The following RASSF4 variants were observed in gnomAD, a reference collection of about 807,000 sequenced individuals.
RASSF4 encodes Ras association domain family member 4, also known as ras association domain-containing protein 4.
In RASSF4, 38 loss-of-function variants were observed where a neutral mutation model predicts 41.1. The observed-to-expected ratio is 0.92, with a 90% CI of 0.71 to 1.21. The LOEUF is 1.21. RASSF4 is among the 50% of genes most tolerant of loss of function. The probability of loss-of-function intolerance (pLI) is 0.00; values close to 1 mark genes in which losing one functional copy is unlikely to be tolerated. For missense variants in RASSF4, 414 were observed against 419.4 expected, an observed-to-expected ratio of 0.99 and a Z score of 0.11; for synonymous variants, 179 against 163.4, an observed-to-expected ratio of 1.10 and a Z score of -0.73.
At chr10:44,966,943 C>G (rs942723037) in intron 1 of RASSF4, among the ~76,000 whole-genome samples, 1 of 152,150 alleles carries the variant, frequency 6.6e-6, no homozygotes. Flanking sequence ...TCCTGTCTCA[C>G]CACTAGGTGT....
chr10:44,971,261 A>AG, intron 2 of RASSF4: 1 of 351,962 alleles, frequency 2.8e-6, no homozygotes, highest in Non-Finnish European at 5.6e-6. Context: ...TGCAGACTTC[A>AG]GGGCCTTACT....
chr10:44,971,884 T>G, intron 3 of RASSF4, 36 bp downstream of exon 3: 1 of 1,480,774 alleles, frequency 6.8e-7, no homozygotes, highest in Non-Finnish European at 9.4e-7. Flanking sequence ...GGTCACCATG[T>G]ACCCTGGGAG....
At chr10:44,990,840 T>G (rs1289821590) in intron 8 of RASSF4, 108 bp from the exon 9 acceptor site, 1 of 1,179,220 alleles carries the variant, frequency 8.5e-7, no homozygotes, top group African/African-American at 1.5e-5. Flanking sequence ...TCTGTGTTCT[T>G]AGGGTTCCCT....
chr10:44,977,472 T>A, intron 3 of RASSF4: 1 of 1,612,456 alleles, frequency 6.2e-7, no homozygotes, highest in Non-Finnish European at 8.5e-7. Flanking sequence ...CGGGAGGCCA[T>A]GGCTTGGGCA....
chr10:44,984,300 G>A (rs1841834693), intron 5 of RASSF4, 187 bp downstream of exon 5: 1 of 610,386 alleles, frequency 1.6e-6, no homozygotes, highest in African/African-American at 1.9e-5. Context: ...TCCTTTTTAT[G>A]GAAAAGTGAG....
At chr10:44,965,199 G>A (rs903383907) in intron 1 of RASSF4, among the ~76,000 whole-genome samples, 3 of 152,244 alleles carry the variant, frequency 2.0e-5, no homozygotes, top group African/African-American at 7.2e-5. Flanking sequence ...ACCATTTTGA[G>A]GTTACAGAAA....
rs764820443 is a variant in RASSF4 at position 44,982,490 on chromosome 10, G to A, written c.139-31G>A. 12 of 1,606,076 alleles carry A rather than the reference G, an allele frequency of 7.5e-6. 1 individual carries two copies. The Admixed American group carries it at 2.1e-4, about 28-fold the overall frequency. ...CACAGGGAAGGTAGGCAGCTGCTCT[G>A]GGGGAAGGGCTGATGTGTGGACCCC... is the stretch of plus-strand genomic sequence containing the variant. On this transcript the variant is annotated intron_variant, in intron 3 of 10. Coordinates refer to ENST00000340258, the MANE Select transcript of RASSF4 (RefSeq NM_032023.4).
Position 44,972,177 on chromosome 10 carries a change from T to G in RASSF4, c.138+329T>G, listed in dbSNP as rs534531355. 5.3e-5 allele frequency among the ~76,000 whole-genome samples: 8 copies of G among 152,058 alleles called. No individual in the cohort carries two copies. The South Asian group carries it at 1.5e-3, about 28-fold the overall frequency. ...ACTGCTGCCGAGAACAGGTCCGTCC[T>G]CAGCCCATCACACCATTCAGCGGAC... On this transcript the variant is annotated intron_variant, in intron 3 of 10. Transcript: ENST00000340258.
chr10:44,990,779 G>A (rs773282527), intron 8 of RASSF4, 169 bp from the exon 9 acceptor site: 60 of 574,662 alleles, frequency 1.0e-4, no homozygotes, highest in Non-Finnish European at 1.4e-4. Flanking sequence ...GCCCTGTTCT[G>A]CCTCCCTTCT....
intron 3 of RASSF4, chr10:44,977,381 C>T (rs370394967): frequency 1.9e-6 from 3 of 1,555,836 alleles, no homozygotes; most frequent in Non-Finnish European, 2.6e-6. Context: ...GAAGCCTTTA[C>T]TGGGGAGGGG....
chr10:44,984,897 GC>G lies in RASSF4; in HGVS notation c.460del (p.Arg154AlafsTer35). The G allele has an allele frequency of 6.2e-7, 1 of 1,613,580 alleles. No homozygotes were observed. The highest frequency in any genetic ancestry group is 1.6e-4 in the Middle Eastern group (1 of 6,062). ...ASCMSQRRPK[C>X]RAPGEAQRIR... ...TGCATGAGCCAGAGGAGGCCCAAGT[GC>G]CGCGCCCCCGGTGAGGCCCAGCGCA... On this transcript the variant is annotated frameshift_variant, in exon 6 of 11. Transcript: ENST00000340258. LOFTEE classifies it high-confidence loss of function.
At chr10:44,960,264 C>G (rs1265532174) in intron 1 of RASSF4, among the ~76,000 whole-genome samples, 5 of 152,236 alleles carry the variant, frequency 3.3e-5, no homozygotes, top group Admixed American at 6.5e-5. Flanking sequence ...CAGGGGGGGT[C>G]TGTCTCACAA....
At chr10:44,979,697 C>G (rs1841620777) in intron 3 of RASSF4, among the ~76,000 whole-genome samples, 1 of 151,848 alleles carries the variant, frequency 6.6e-6, no homozygotes, top group Non-Finnish European at 1.5e-5. Context: ...CAGACATGCT[C>G]AGGGCACAGC....
At chr10:44,985,565 A>C (rs1841893248) in intron 6 of RASSF4, among the ~76,000 whole-genome samples, 1 of 152,236 alleles carries the variant, frequency 6.6e-6, no homozygotes, top group Admixed American at 6.5e-5. Flanking sequence ...GCGTCTTGTG[A>C]CAGGCCATAT....
intron 6 of RASSF4, among the ~76,000 whole-genome samples, chr10:44,986,714 G>C (rs17157322): frequency 0.074 from 11,342 of 152,270 alleles, 592 homozygotes; most frequent in African/African-American, 0.15. Flanking sequence ...GAAATGAGGG[G>C]ACAGATTCCT....
chr10:44,960,600 T>G (rs1840673673), intron 1 of RASSF4, among the ~76,000 whole-genome samples: 1 of 152,208 alleles, frequency 6.6e-6, no homozygotes. Context: ...GCCTCAGTGT[T>G]TTCATTAACC....
rs919826989 is a variant in RASSF4 at position 44,993,118 on chromosome 10, G to A, written c.906-151G>A. 1.3e-4 allele frequency: 82 copies of A among 643,586 alleles called. No individual in the cohort carries two copies. The Middle Eastern group carries it at 2.9e-3, about 23-fold the overall frequency. 39.9% of individuals were successfully genotyped at this position (643,586 alleles called of 1,614,324 possible). A position where few individuals can be genotyped will look rare whatever the true frequency, so the allele number is the denominator to read the frequency against. On this transcript the variant is annotated intron_variant, in intron 10 of 10. Coordinates refer to ENST00000340258, the MANE Select transcript of RASSF4 (RefSeq NM_032023.4). Reference sequence around the variant, plus strand: ...CTGGTTTGACTGCACCTCATGAGGCGCAGGCCACAGCCTTCCCCCTCCTTG... The same window carrying A: ...CTGGTTTGACTGCACCTCATGAGGCACAGGCCACAGCCTTCCCCCTCCTTG...
chr10:44,977,440 A>G (rs1236505666), intron 3 of RASSF4: 1 of 1,610,070 alleles, frequency 6.2e-7, no homozygotes, highest in Non-Finnish European at 8.5e-7. Flanking sequence ...TTCTGAGGAC[A>G]CTGCTGGGGC....
chr10:44,989,317 G>A lies in RASSF4; in HGVS notation c.575G>A (p.Arg192Lys). The A allele has an allele frequency of 1.2e-6, 2 of 1,614,036 alleles. No individual in the cohort carries two copies. Among genetic ancestry groups the A allele is most frequent in the Non-Finnish European group, 1.7e-6 (2 of 1,179,892 alleles). The change falls in exon 7 of 11, where the codon AGG (arginine) becomes AAG (lysine). Residue 192 changes from arginine (R) to lysine (K), a missense_variant. Transcript: ENST00000340258. Reference protein sequence around the residue: ...TPAYGSVTNVRVNSTMTTLQV... With the variant: ...TPAYGSVTNVKVNSTMTTLQV... Reference sequence around the variant, plus strand: ...GCCTATGGATCCGTGACCAATGTGAGGGTCAACAGCACCATGACAACCCTG... The same window carrying A: ...GCCTATGGATCCGTGACCAATGTGAAGGTCAACAGCACCATGACAACCCTG...
Sources: gnomAD v4.1 joint callset for allele counts (sites outside exome capture counted in the v4.1 genomes callset) on GRCh38, gnomAD v4.1.1 for gene constraint, MANE v1.5 for transcripts, NCBI Gene and HGNC (gene_info 2026-07-23, HGNC 2026-07-21) for gene names.